Variants in SLC22A12 observed in about 807,000 individuals in gnomAD.
SLC22A12 encodes organic anion transporter 4-like protein.
A neutral mutation model predicts 52.7 loss-of-function variants in SLC22A12; 56 were observed. That is an observed-to-expected ratio of 1.06 (90% CI 0.86 to 1.33). The LOEUF (loss-of-function observed/expected upper bound fraction) is 1.33, where lower values mean the gene tolerates loss of function less well. Among genes scored for constraint, SLC22A12 ranks in the 40% most tolerant of loss-of-function variants. The probability of loss-of-function intolerance (pLI) is 0.00; values close to 1 mark genes in which losing one functional copy is unlikely to be tolerated. For missense variants in SLC22A12, 683 were observed against 741.5 expected, an observed-to-expected ratio of 0.92 and a Z score of 0.92; for synonymous variants, 337 against 324.6, an observed-to-expected ratio of 1.04 and a Z score of -0.41.
intron 6 of SLC22A12, 26 bp from the exon 7 acceptor site, chr11:64,599,650 C>CCCCCCCCCCCCCCCCCCCT: frequency 1.4e-6 from 1 of 720,442 alleles, no homozygotes; most frequent in Non-Finnish European, 2.2e-6. Flanking sequence ...CCACCCCCAC[C>CCCCCCCCCCCCCCCCCCCT]CTGACTTCCC....
chr11:64,591,290 G>A lies in SLC22A12; in HGVS notation c.-267G>A. 3 of 528,370 alleles carry A rather than the reference G, an allele frequency of 5.7e-6. No homozygotes were observed. In the East Asian group the frequency reaches 9.5e-5, roughly 17 times the overall value. 32.7% of individuals were successfully genotyped at this position (528,370 alleles called of 1,614,324 possible). A position where few individuals can be genotyped will look rare whatever the true frequency, so the allele number is the denominator to read the frequency against. On this transcript the variant is annotated 5_prime_UTR_variant, in exon 1 of 10. Transcript: ENST00000377574. ...ATTCAGCTTTCCCGGGAGGTCTGGA[G>A]CAGCTGCCTCTCTGGGGAGATGCTG...
At position 64,598,886 on chromosome 11, in the gene SLC22A12, G is replaced by A. The variant is rs751240959; in HGVS notation, c.1033G>A (p.Gly345Arg). ...CCTGGGCACCCTGCTCCGCATGCCC[G>A]GACTGCGCTTCCGGACCTGTATCTC... Reference protein sequence around the residue: ...ASLGTLLRMPGLRFRTCISTL... With the variant: ...ASLGTLLRMPRLRFRTCISTL... Residue 345 changes from glycine (G) to arginine (R), a missense_variant, in exon 6 of 10, where the codon GGA becomes AGA. Physicochemically the swap from Gly to Arg is moderately radical, Grantham distance 125. Coordinates refer to ENST00000377574, the MANE Select transcript of SLC22A12 (RefSeq NM_144585.4). 14 of 1,612,890 alleles carry A rather than the reference G, an allele frequency of 8.7e-6. No individual in the cohort carries two copies. Among genetic ancestry groups the A allele is most frequent in the Middle Eastern group, 1.7e-4 (1 of 6,056 alleles).
intron 4 of SLC22A12, among the ~76,000 whole-genome samples, chr11:64,594,430 G>A (rs1355115580): frequency 1.3e-5 from 2 of 152,260 alleles, no homozygotes; most frequent in Non-Finnish European, 2.9e-5. Context: ...CACATAGTAG[G>A]TGCTAAATAA....
At chr11:64,600,265 CAA>C in intron 7 of SLC22A12, 100 bp from the exon 8 acceptor site, 1 of 940,880 alleles carries the variant, frequency 1.1e-6, no homozygotes, top group Non-Finnish European at 1.7e-6. Flanking sequence ...CAAACATTTA[CAA>C]AGAGGCCTGA....
intron 9 of SLC22A12, 27 bp downstream of exon 9, chr11:64,600,965 C>A: frequency 6.2e-7 from 1 of 1,601,844 alleles, no homozygotes; most frequent in Non-Finnish European, 8.5e-7. Context: ...TCGGGACCAC[C>A]CCTCCCTCCC....
Position 64,601,792 on chromosome 11 carries a change from A to G in SLC22A12, c.*241A>G, listed in dbSNP as rs1208002714. ...TTGGCAGGAGGTGACCCAGTGCACC[A>G]TCACCCTGCCCTGCCCTCGTGGCTT... On this transcript the variant is annotated 3_prime_UTR_variant, in exon 10 of 10. Coordinates refer to ENST00000377574, the MANE Select transcript of SLC22A12 (RefSeq NM_144585.4). 3.9e-6 allele frequency: 2 copies of G among 507,542 alleles called. No homozygotes were observed. Among genetic ancestry groups the G allele is most frequent in the Non-Finnish European group, 7.1e-6 (2 of 279,750 alleles). 31.4% of individuals were successfully genotyped at this position (507,542 alleles called of 1,614,324 possible). A position where few individuals can be genotyped will look rare whatever the true frequency, so the allele number is the denominator to read the frequency against.
chr11:64,599,559 A>T, intron 6 of SLC22A12, 117 bp from the exon 7 acceptor site: 1 of 731,224 alleles, frequency 1.4e-6, no homozygotes. Flanking sequence ...GGGCCAGAAC[A>T]CTGAGCTAAG....
rs912750875 is a variant in SLC22A12, at chr11:64,601,730, G to T, written c.*179G>T. 1 of 669,916 alleles carries T rather than the reference G, an allele frequency of 1.5e-6. No homozygotes were observed. Among genetic ancestry groups the T allele is most frequent in the African/African-American group, 1.8e-5 (1 of 55,394 alleles). The allele number at this position is 669,916 out of a possible 1,614,324, so 41.5% of individuals were successfully genotyped here. A position where few individuals can be genotyped will look rare whatever the true frequency, so the allele number is the denominator to read the frequency against. On this transcript the variant is annotated 3_prime_UTR_variant, in exon 10 of 10. Transcript: ENST00000377574. ...CCCTGCCCCTCTCACAGTCCAAGGG[G>T]CCCCCTTCAATACTGAAGGGGAAAA...
Position 64,601,476 on chromosome 11 carries a change from C to G in SLC22A12, c.1599-12C>G. ...GCACCCCAAGACACACCCCCGTGTG[C>G]TTCCTGAACAGGGCAGTAAAGAAGG... On this transcript the variant is annotated splice_polypyrimidine_tract_variant and intron_variant, in intron 9 of 9. Transcript: ENST00000377574. 1 of 1,612,888 alleles carries G rather than the reference C, an allele frequency of 6.2e-7. No homozygotes were observed. The highest frequency in any genetic ancestry group is 1.7e-5 in the Admixed American group (1 of 59,932).
intron 4 of SLC22A12, among the ~76,000 whole-genome samples, chr11:64,595,895 A>G (rs1422855391): frequency 7.5e-5 from 10 of 132,774 alleles, no homozygotes; most frequent in African/African-American, 2.3e-4. Flanking sequence ...GATGGTTGGA[A>G]TAGATGAATG....
intron 8 of SLC22A12, 55 bp downstream of exon 8, chr11:64,600,530 ACC>A: frequency 6.8e-7 from 1 of 1,463,896 alleles, no homozygotes; most frequent in Non-Finnish European, 9.2e-7. Context: ...GCTGCGGGGC[ACC>A]CCCAGGCAGG....
rs1169287392 is a variant in SLC22A12 at position 64,598,083 on chromosome 11, AGGGGTGGACCCCAGTCG to A, written c.831-432_831-416del. Among the ~76,000 whole-genome samples, 5 of 152,194 alleles carry A rather than the reference AGGGGTGGACCCCAGTCG, an allele frequency of 3.3e-5. No individual in the cohort carries two copies. In the East Asian group the frequency reaches 9.7e-4, roughly 29 times the overall value. On this transcript the variant is annotated intron_variant, in intron 4 of 9. Coordinates refer to ENST00000377574, the MANE Select transcript of SLC22A12 (RefSeq NM_144585.4). ...CATGTGGTATGGGAGGTGCCAGGAC[AGGGGTGGACCCCAGTCG>A]CCTTGGAGATGGCCAAGGTCCTGGC...
intron 4 of SLC22A12, among the ~76,000 whole-genome samples, chr11:64,596,280 ATGGATGGATGGC>A (rs1465223258): frequency 1.6e-5 from 1 of 60,898 alleles, no homozygotes; most frequent in African/African-American, 6.5e-5. Context: ...GGATGGATGG[ATGGATGGATGGC>A]TGAATGGATG....
At chr11:64,597,711 C>A (rs1459285479) in intron 4 of SLC22A12, among the ~76,000 whole-genome samples, 1 of 152,266 alleles carries the variant, frequency 6.6e-6, no homozygotes, top group Admixed American at 6.5e-5. Context: ...GAAGGACCTG[C>A]AGGAGCCAAG....
chr11:64,601,673 C>T lies in SLC22A12; in HGVS notation c.*122C>T, dbSNP rs910552235. On this transcript the variant is annotated 3_prime_UTR_variant, in exon 10 of 10. Transcript: ENST00000377574. The stretch of plus-strand genomic sequence containing the variant: ...CCCAGAGGCTGCCCTCTGAGGTCCC[C>T]ACTCTCCCCCAGGGCTGCCCCTCCA... 4.6e-6 allele frequency: 5 copies of T among 1,096,284 alleles called. No homozygotes were observed. In the Admixed American group the frequency reaches 6.0e-5, roughly 13 times the overall value. The allele number at this position is 1,096,284 out of a possible 1,614,324, so 67.9% of individuals were successfully genotyped here. A position where few individuals can be genotyped will look rare whatever the true frequency, so the allele number is the denominator to read the frequency against.
chr11:64,592,322 A>G (rs916245674), intron 1 of SLC22A12, among the ~76,000 whole-genome samples: 4 of 152,108 alleles, frequency 2.6e-5, no homozygotes, highest in African/African-American at 9.7e-5. Flanking sequence ...CCCGAGACCA[A>G]AGCACACAGA....
Position 64,599,681 on chromosome 11 carries a change from C to T in SLC22A12, c.1076C>T (p.Ala359Val). The change falls in exon 7 of 10, where the codon GCC becomes GTC. Residue 359 changes from alanine (A) to valine (V), a missense_variant. Ala to Val is a moderately conservative substitution (Grantham distance 64). Coordinates refer to ENST00000377574, the MANE Select transcript of SLC22A12 (RefSeq NM_144585.4). ...TTCCCTGACCCCTGCCCCAGGTTCG[C>T]CTTTGGCTTCACCTTCTTCGGCCTG... ...RTCISTLCWF[A>V]FGFTFFGLAL... 1 of 1,451,788 alleles carries T rather than the reference C, an allele frequency of 6.9e-7. No homozygotes were observed. The highest frequency in any genetic ancestry group is 1.4e-5 in the African/African-American group (1 of 70,098). The allele number at this position is 1,451,788 out of a possible 1,614,324, so 89.9% of individuals were successfully genotyped here. A position where few individuals can be genotyped will look rare whatever the true frequency, so the allele number is the denominator to read the frequency against.
chr11:64,599,609 T>TTC, intron 6 of SLC22A12, 67 bp from the exon 7 acceptor site: 2 of 221,472 alleles, frequency 9.0e-6, no homozygotes, highest in Admixed American at 6.5e-5. Context: ...CGCCCATTGT[T>TTC]CCCACCCTGC....
chr11:64,599,942 G>C, intron 7 of SLC22A12, 52 bp downstream of exon 7: 4 of 1,572,166 alleles, frequency 2.5e-6, no homozygotes, highest in Non-Finnish European at 3.5e-6. Context: ...GGGGGGTCTC[G>C]GGCTGGGAAC....
Sources: gnomAD v4.1 joint callset for allele counts (sites outside exome capture counted in the v4.1 genomes callset) on GRCh38, gnomAD v4.1.1 for gene constraint, MANE v1.5 for transcripts, NCBI Gene and HGNC (gene_info 2026-07-23, HGNC 2026-07-21) for gene names.